The following DOK6 variants were observed in gnomAD, a reference collection of about 807,000 sequenced individuals.
DOK6 encodes the protein docking protein 6.
A neutral mutation model predicts 44.0 loss-of-function variants in DOK6; 22 were observed. The ratio of observed to expected loss-of-function variants is 0.50; its 90% CI spans 0.36 to 0.71. DOK6 has a LOEUF of 0.71. DOK6 is among the 30% of genes least tolerant of loss of function. The probability of loss-of-function intolerance (pLI) is 0.00; values close to 1 mark genes in which losing one functional copy is unlikely to be tolerated. For missense variants in DOK6, 340 were observed against 416.4 expected, an observed-to-expected ratio of 0.82 and a Z score of 1.60; for synonymous variants, 166 against 145.5, an observed-to-expected ratio of 1.14 and a Z score of -1.01.
chr18:69,410,337 C>CCA (rs898374182), intron 1 of DOK6, among the ~76,000 whole-genome samples: 1 of 152,208 alleles, frequency 6.6e-6, no homozygotes, highest in African/African-American at 2.4e-5. Context: ...TGTAGGTTTG[C>CCA]TTTAGAGTTC....
At chr18:69,552,855 A>G (rs953229332) in intron 1 of DOK6, among the ~76,000 whole-genome samples, 2 of 152,264 alleles carry the variant, frequency 1.3e-5, no homozygotes, top group Non-Finnish European at 2.9e-5. Context: ...GAACTCTTTG[A>G]AAAGCTGTAT....
intron 7 of DOK6, chr18:69,832,748 A>G (rs1410360954): frequency 2.0e-5 from 3 of 152,158 alleles, no homozygotes; most frequent in Non-Finnish European, 4.4e-5. Flanking sequence ...ATCTGAAAAA[A>G]AAATAAAGAC....
intron 2 of DOK6, among the ~76,000 whole-genome samples, chr18:69,568,420 A>G (rs981683075): frequency 6.6e-6 from 1 of 152,192 alleles, no homozygotes; most frequent in Non-Finnish European, 1.5e-5. Flanking sequence ...AAAAACAAAG[A>G]AGTCCCTGGG....
Position 69,466,280 on chromosome 18 carries a change from G to T in DOK6, c.66+64970G>T, listed in dbSNP as rs543430438. 2.6e-5 allele frequency among the ~76,000 whole-genome samples: 4 copies of T among 152,208 alleles called. No homozygotes were observed. The South Asian group carries it at 6.2e-4, about 24-fold the overall frequency. On this transcript the variant is annotated intron_variant, in intron 1 of 7. Coordinates refer to ENST00000382713, the MANE Select transcript of DOK6 (RefSeq NM_152721.6). ...GATCATGCAGCATTTGTCCTTCTGT[G>T]CCTGCCTTATTTCACTTAACATGTT...
chr18:69,657,111 A>G (rs1029027350), intron 3 of DOK6, among the ~76,000 whole-genome samples: 1 of 152,218 alleles, frequency 6.6e-6, no homozygotes. Flanking sequence ...CTCCAATTGA[A>G]TTGAAAACCT....
At chr18:69,673,024 A>AAT (rs1416144047) in intron 3 of DOK6, among the ~76,000 whole-genome samples, 3 of 152,214 alleles carry the variant, frequency 2.0e-5, no homozygotes, top group Admixed American at 6.5e-5. Flanking sequence ...ATTTCTGCTT[A>AAT]TGCTGAAGAC....
intron 3 of DOK6, among the ~76,000 whole-genome samples, chr18:69,644,544 T>C (rs1985023623): frequency 6.6e-6 from 1 of 152,180 alleles, no homozygotes; most frequent in Non-Finnish European, 1.5e-5. Context: ...TGTGACACAT[T>C]TGTCAAAAAT....
At chr18:69,681,553 G>GACACAC (rs71176999) in intron 4 of DOK6, among the ~76,000 whole-genome samples, 13 of 150,978 alleles carry the variant, frequency 8.6e-5, no homozygotes, top group African/African-American at 1.2e-4. Flanking sequence ...TGCATAAACA[G>GACACAC]ACACACACAC....
intron 1 of DOK6, among the ~76,000 whole-genome samples, chr18:69,467,254 C>T (rs978803682): frequency 1.3e-5 from 2 of 152,052 alleles, no homozygotes; most frequent in African/African-American, 4.8e-5. Context: ...TTGGCAAATA[C>T]AGTACTTCCT....
intron 1 of DOK6, among the ~76,000 whole-genome samples, chr18:69,563,656 T>A (rs1176216088): frequency 7.6e-5 from 4 of 52,624 alleles, no homozygotes; most frequent in Admixed American, 2.5e-4. Flanking sequence ...TGTTGCGGGG[T>A]GGGGGGAGGG....
intron 3 of DOK6, among the ~76,000 whole-genome samples, chr18:69,611,743 G>A (rs1817742977): frequency 6.6e-6 from 1 of 152,176 alleles, no homozygotes; most frequent in South Asian, 2.1e-4. Flanking sequence ...GATACCATGT[G>A]ATTCTGTTTA....
intron 3 of DOK6, among the ~76,000 whole-genome samples, chr18:69,663,653 C>T (rs943942773): frequency 6.6e-6 from 1 of 152,166 alleles, no homozygotes; most frequent in African/African-American, 2.4e-5. Context: ...TATCCTTTCC[C>T]CACACCCTAG....
At chr18:69,755,985 G>A (rs1348054125) in intron 6 of DOK6, among the ~76,000 whole-genome samples, 1 of 152,246 alleles carries the variant, frequency 6.6e-6, no homozygotes, top group East Asian at 1.9e-4. Flanking sequence ...CTCCTCCCCT[G>A]CATCAGGTGT....
At chr18:69,678,175 G>C (rs946401255) in intron 4 of DOK6, among the ~76,000 whole-genome samples, 1 of 152,046 alleles carries the variant, frequency 6.6e-6, no homozygotes, top group African/African-American at 2.4e-5. Flanking sequence ...CTTGAACCTG[G>C]GAGGCAGAGG....
intron 3 of DOK6, among the ~76,000 whole-genome samples, chr18:69,629,730 A>C (rs948342359): frequency 6.6e-6 from 1 of 152,090 alleles, no homozygotes; most frequent in Non-Finnish European, 1.5e-5. Flanking sequence ...AGTCATCAGG[A>C]TTCTGCTTCC....
intron 1 of DOK6, among the ~76,000 whole-genome samples, chr18:69,449,895 C>T (rs993669904): frequency 1.1e-4 from 16 of 150,104 alleles, no homozygotes; most frequent in African/African-American, 1.7e-4. Context: ...ACATCCACAC[C>T]GAAAACCCAT....
chr18:69,739,241 C>T lies in DOK6; in HGVS notation c.738+138C>T, dbSNP rs769476595. 6.0e-5 allele frequency: 65 copies of T among 1,078,890 alleles called. 1 individual carries two copies. The highest frequency in any genetic ancestry group is 8.2e-5 in the Non-Finnish European group (62 of 755,850). The allele number at this position is 1,078,890 out of a possible 1,614,324, so 66.8% of individuals were successfully genotyped here. On this transcript the variant is annotated intron_variant, in intron 6 of 7. Coordinates refer to ENST00000382713, the MANE Select transcript of DOK6 (RefSeq NM_152721.6). ...CCTGATCCTGAGGGCTTACCCTACC[C>T]TCTCATCTCTCTAATATCCTATTCA...
intron 1 of DOK6, among the ~76,000 whole-genome samples, chr18:69,551,899 C>G (rs1982575073): frequency 6.6e-6 from 1 of 152,136 alleles, no homozygotes; most frequent in African/African-American, 2.4e-5. Flanking sequence ...AAAATCACTT[C>G]TAAAATGTAT....
At chr18:69,421,530 A>G (rs1055448755) in intron 1 of DOK6, among the ~76,000 whole-genome samples, 4 of 152,212 alleles carry the variant, frequency 2.6e-5, no homozygotes, top group African/African-American at 9.6e-5. Context: ...GCAAAATGCC[A>G]GGTGCATGGT....
Sources: allele counts gnomAD v4.1 joint callset (sites outside exome capture counted in the v4.1 genomes callset), GRCh38; gene constraint gnomAD v4.1.1; transcripts MANE v1.5; gene names NCBI Gene and HGNC (gene_info 2026-07-23, HGNC 2026-07-21).